Variants in NOTCH4 observed in about 807,000 individuals in gnomAD.
NOTCH4 encodes notch receptor 4.
Under a neutral mutation model 189.0 loss-of-function variants are expected in NOTCH4, and 138 were observed. That is an observed-to-expected ratio of 0.73 (90% CI 0.64 to 0.84). The LOEUF is 0.84. Among genes scored for constraint, NOTCH4 ranks in the 40% least tolerant of loss-of-function variants. NOTCH4 has a pLI of 0.00. For synonymous variants in NOTCH4, 942 were observed against 1,032.8 expected (o/e 0.91, Z 1.69); for missense variants, 2,286 against 2,605.4 (o/e 0.88, Z 2.67).
At position 32,198,595 on chromosome 6, in the gene NOTCH4, T is replaced by C; in HGVS notation, c.4618-36A>G. The stretch of plus-strand genomic sequence containing the variant: ...CAGCAAGGATCAGTGAAGGTTGATT[T>C]GCCCTTTCATCCCTTCCATCACCTC... On this transcript the variant is annotated intron_variant, in intron 25 of 29. Coordinates refer to ENST00000375023, the MANE Select transcript of NOTCH4 (RefSeq NM_004557.4). This position sits in a 1 kb window ranked among gnomAD's most constrained non-coding sequence, Gnocchi z 5.5. The C allele has an allele frequency of 6.2e-7, 1 of 1,611,330 alleles. No homozygotes were observed. Among genetic ancestry groups the C allele is most frequent in the Non-Finnish European group, 8.5e-7 (1 of 1,178,880 alleles).
Position 32,222,782 on chromosome 6 carries a change from C to T in NOTCH4, c.180G>A (p.Glu60=), listed in dbSNP as rs1327311752. ...GGCAGGGGTCAGGAAACTGGCACGT[C>T]TCACCCAGGAAGCCAGGGGCACACC... ...TCQCAPGFLG[E]TCQFPDPCQN... Residue 60 remains glutamate, a synonymous_variant, in exon 3 of 30, where the codon GAG becomes GAA. Transcript: ENST00000375023. 6.2e-7 allele frequency: 1 copy of T among 1,610,694 alleles called. No individual in the cohort carries two copies. The highest frequency in any genetic ancestry group is 8.5e-7 in the Non-Finnish European group (1 of 1,178,894).
chr6:32,203,448 G>A (rs1788477322), intron 20 of NOTCH4: 3 of 346,966 alleles, frequency 8.6e-6, no homozygotes, highest in Non-Finnish European at 1.6e-5. Context: ...ATGCATCTGA[G>A]GTCCATAAAT....
In NOTCH4 at chr6:32,220,155, T is replaced by C; in HGVS notation, c.1289A>G (p.His430Arg). 4.3e-6 allele frequency: 7 copies of C among 1,613,804 alleles called. No individual in the cohort carries two copies. Among genetic ancestry groups the C allele is most frequent in the Non-Finnish European group, 5.9e-6 (7 of 1,179,972 alleles). The change falls in exon 7 of 30, where the codon CAC (histidine) becomes CGC (arginine). Residue 430 changes from histidine (H) to arginine (R), a missense_variant. His to Arg is a conservative substitution (Grantham distance 29). This residue lies in a region of NOTCH4 where 1,903 missense variants were observed against 2,261.9 expected (regional missense o/e 0.84). Coordinates refer to ENST00000375023, the MANE Select transcript of NOTCH4 (RefSeq NM_004557.4). ...CQPGYSGPTC[H>R]QDLDECLMAQ... ...CATCAGACACTCGTCCAGGTCCTGG[T>C]GGCAGGTGGGCCCCGAATAGCCAGG...
At position 32,212,995 on chromosome 6, in the gene NOTCH4, C is replaced by G; in HGVS notation, c.2439-84G>C. On this transcript the variant is annotated intron_variant, in intron 15 of 29. Transcript: ENST00000375023. The surrounding 1 kb of genome is among the most constrained non-coding windows in gnomAD (Gnocchi z 4.4). ...GTGTGTGATATTGTCGGGAGGCAAC[C>G]ACAGGGAGGTGGCAAGCCAGGAGGG... 1 of 1,376,262 alleles carries G rather than the reference C, an allele frequency of 7.3e-7. No individual in the cohort carries two copies. The highest frequency in any genetic ancestry group is 1.0e-6 in the Non-Finnish European group (1 of 981,080). The allele number at this position is 1,376,262 out of a possible 1,614,324, so 85.3% of individuals were successfully genotyped here. A position where few individuals can be genotyped will look rare whatever the true frequency, so the allele number is the denominator to read the frequency against.
At chr6:32,203,133 A>C (rs1788460380) in intron 20 of NOTCH4, 1 of 152,230 alleles carries the variant, frequency 6.6e-6, no homozygotes, top group South Asian at 2.1e-4. Flanking sequence ...CGAATGCCCG[A>C]CCTCAGGTGA....
chr6:32,220,509 C>A lies in NOTCH4; in HGVS notation c.1055G>T (p.Cys352Phe), dbSNP rs752483729. Residue 352 changes from cysteine to phenylalanine, a missense_variant, in exon 6 of 30, where the codon TGT (cysteine) becomes TTT (phenylalanine). Transcript: ENST00000375023. ...VCVSGWGGTS[C>F]EENLDDCIAA... ...AATACAGTCATCCAGGTTCTCCTCA[C>A]AGCTTGTGCCGCCCCAGCCACTCAC... is the stretch of plus-strand genomic sequence containing the variant. 21 of 1,613,422 alleles carry A rather than the reference C, an allele frequency of 1.3e-5. No homozygotes were observed. Among genetic ancestry groups the A allele is most frequent in the Non-Finnish European group, 1.8e-5 (21 of 1,180,044 alleles).
intron 18 of NOTCH4, 23 bp from the exon 19 acceptor site, chr6:32,204,412 A>G (rs758381386): frequency 6.2e-7 from 1 of 1,608,328 alleles, no homozygotes; most frequent in South Asian, 1.1e-5. Context: ...AGGATTAGAC[A>G]GGGAACCAGT....
At position 32,221,480 on chromosome 6, in the gene NOTCH4, GCT is replaced by G. The variant is rs1387813656; in HGVS notation, c.452-157_452-156del. Among the ~76,000 whole-genome samples, 1 of 152,138 alleles carries G rather than the reference GCT, an allele frequency of 6.6e-6. No homozygotes were observed. Among genetic ancestry groups the G allele is most frequent in the Non-Finnish European group, 1.5e-5 (1 of 68,030 alleles). On this transcript the variant is annotated intron_variant, in intron 3 of 29. Coordinates refer to ENST00000375023, the MANE Select transcript of NOTCH4 (RefSeq NM_004557.4). The surrounding 1 kb of genome is among the most constrained non-coding windows in gnomAD (Gnocchi z 4.3). ...TTCTTTGCTCTGTTCCATCACCCCT[GCT>G]CTGAGCGATGTCATGGCTTGGGAGG... is the stretch of plus-strand genomic sequence containing the variant.
chr6:32,207,271 G>A (rs1788739487), intron 18 of NOTCH4, among the ~76,000 whole-genome samples: 1 of 151,822 alleles, frequency 6.6e-6, no homozygotes, highest in African/African-American at 2.4e-5. Context: ...CACACACTGG[G>A]GAAAGGACAC....
rs757918666 is a variant in NOTCH4, at chr6:32,200,841, A to C, written c.4305T>G (p.His1435Gln). 1.2e-6 allele frequency: 2 copies of C among 1,605,664 alleles called. No homozygotes were observed. Among genetic ancestry groups the C allele is most frequent in the African/African-American group, 2.7e-5 (2 of 74,730 alleles). The part of the protein sequence containing the change: ...LPGPLLAVHP[H>Q]AGTAPPANQL... The stretch of plus-strand genomic sequence containing the variant: ...CAAGGGGTCACCTACCGGTCCCTGC[A>C]TGAGGGTGGACAGCCAGCAGTGGTC... Residue 1435 changes from histidine (H) to glutamine (Q), a missense_variant, in exon 23 of 30, where the codon CAT (histidine) becomes CAG (glutamine). His to Gln is a conservative substitution (Grantham distance 24). Around this residue, in one of 2 missense-constraint regions of NOTCH4, gnomAD observed 1,903 missense variants for 2,261.9 expected, o/e 0.84. Transcript: ENST00000375023. This position sits in a 1 kb window ranked among gnomAD's most constrained non-coding sequence, Gnocchi z 5.0.
intron 8 of NOTCH4, 61 bp from the exon 9 acceptor site, chr6:32,218,169 T>C: frequency 9.0e-7 from 1 of 1,116,836 alleles, no homozygotes; most frequent in Non-Finnish European, 1.3e-6. Flanking sequence ...AGACCTGTGT[T>C]CTAGAATCGG....
chr6:32,202,375 C>G lies in NOTCH4; in HGVS notation c.3456G>C (p.Leu1152Phe), dbSNP rs2127467296. The change falls in exon 21 of 30, where the codon TTG becomes TTC. Residue 1152 changes from leucine to phenylalanine, a missense_variant. By Grantham distance (22) the Leu-to-Phe change is conservative. Coordinates refer to ENST00000375023, the MANE Select transcript of NOTCH4 (RefSeq NM_004557.4). This position sits in a 1 kb window ranked among gnomAD's most constrained non-coding sequence, Gnocchi z 5.7. ...AGGAGCATCGAAAGCCTGGGCCCCCCAAGCCCGTGGTCTCTGAGCAGCTGC... is the reference window on the plus strand; with the variant it reads ...AGGAGCATCGAAAGCCTGGGCCCCCGAAGCCCGTGGTCTCTGAGCAGCTGC... ...YNGSCSETTG[L>F]GGPGFRCSCP... 1 of 1,612,762 alleles carries G rather than the reference C, an allele frequency of 6.2e-7. No individual in the cohort carries two copies. Among genetic ancestry groups the G allele is most frequent in the South Asian group, 1.1e-5 (1 of 91,066 alleles).
At position 32,223,945 on chromosome 6, in the gene NOTCH4, C is replaced by T. The variant is rs1229704025; in HGVS notation, c.-17G>A. On this transcript the variant is annotated 5_prime_UTR_variant, in exon 1 of 30. Transcript: ENST00000375023. ...GGGCTGCATTCCACAGCCCCTTCTCCAAGCCCCGGTCCCTGTCCCTCTTCA... is the reference window on the plus strand; with the variant it reads ...GGGCTGCATTCCACAGCCCCTTCTCTAAGCCCCGGTCCCTGTCCCTCTTCA... 1 of 1,592,420 alleles carries T rather than the reference C, an allele frequency of 6.3e-7. No individual in the cohort carries two copies. The highest frequency in any genetic ancestry group is 8.5e-7 in the Non-Finnish European group (1 of 1,175,290).
At position 32,198,603 on chromosome 6, in the gene NOTCH4, C is replaced by G. The variant is rs2114437; in HGVS notation, c.4618-44G>C. On this transcript the variant is annotated intron_variant, in intron 25 of 29. Transcript: ENST00000375023. This position sits in a 1 kb window ranked among gnomAD's most constrained non-coding sequence, Gnocchi z 5.5. ...ATCAGTGAAGGTTGATTTGCCCTTT[C>G]ATCCCTTCCATCACCTCCAGACCAT... is the stretch of plus-strand genomic sequence containing the variant. 0.044 allele frequency: 70,242 copies of G among 1,610,764 alleles called. 1,757 individuals are homozygous for G. Among genetic ancestry groups the G allele is most frequent in the South Asian group, 0.054 (4,895 of 90,790 alleles).
chr6:32,223,562 C>T (rs3830041), intron 1 of NOTCH4, among the ~76,000 whole-genome samples: 16,821 of 152,026 alleles, frequency 0.11, 1,071 homozygotes, highest in Middle Eastern at 0.19. Context: ...TGTGTTCCCT[C>T]TTCCCCTCTT....
Position 32,222,995 on chromosome 6 carries a change from G to A in NOTCH4, c.155+10C>T. 1 of 1,609,506 alleles carries A rather than the reference G, an allele frequency of 6.2e-7. No individual in the cohort carries two copies. The highest frequency in any genetic ancestry group is 8.5e-7 in the Non-Finnish European group (1 of 1,177,236). Reference sequence around the variant, plus strand: ...CTCTCCAGTCTCCCACTCCTGCAAGGCACACTCACTGGCAGGTCCCTTGTC... The same window carrying A: ...CTCTCCAGTCTCCCACTCCTGCAAGACACACTCACTGGCAGGTCCCTTGTC... On this transcript the variant is annotated intron_variant, in intron 2 of 29. Transcript: ENST00000375023.
At chr6:32,219,845 G>A in intron 7 of NOTCH4, 59 bp from the exon 8 acceptor site, 5 of 1,418,904 alleles carry the variant, frequency 3.5e-6, no homozygotes, top group Non-Finnish European at 4.9e-6. Flanking sequence ...GCAAGGAGGT[G>A]AGACTGTCAG....
chr6:32,204,274 C>G lies in NOTCH4; in HGVS notation c.2981G>C (p.Cys994Ser). 1 of 1,613,082 alleles carries G rather than the reference C, an allele frequency of 6.2e-7. No homozygotes were observed. ...GCGTAGCCCCACAAAGCCTGGAGGG[C>G]AGGCACAGTGGAATCCTCCAGGTTT... ...TPKPGGFHCA[C>S]PPGFVGLRCE... The change falls in exon 19 of 30, where the codon TGC (cysteine) becomes TCC (serine). Residue 994 changes from cysteine (C) to serine (S), a missense_variant. Cys to Ser is a moderately radical substitution (Grantham distance 112, BLOSUM62 -1). Coordinates refer to ENST00000375023, the MANE Select transcript of NOTCH4 (RefSeq NM_004557.4).
chr6:32,196,678 C>A (rs570962471), intron 28 of NOTCH4, among the ~76,000 whole-genome samples: 2 of 152,154 alleles, frequency 1.3e-5, no homozygotes, highest in African/African-American at 4.8e-5. Flanking sequence ...GATTCCCCCC[C>A]CTTTCCACAG....
Sources: allele counts gnomAD v4.1 joint callset (sites outside exome capture counted in the v4.1 genomes callset), GRCh38; gene constraint gnomAD v4.1.1; regional missense constraint gnomAD v4.1.1; non-coding constraint Gnocchi (gnomAD v3.1); transcripts MANE v1.5; gene names NCBI Gene and HGNC (gene_info 2026-07-23, HGNC 2026-07-21).